Variants in PCNX1 observed in about 807,000 individuals in gnomAD.
The protein encoded by PCNX1 is pecanex-like protein 1.
PCNX1 carries 78 observed loss-of-function variants against 242.2 expected under a neutral mutation model. The ratio of observed to expected loss-of-function variants is 0.32; its 90% CI spans 0.27 to 0.39. The LOEUF (loss-of-function observed/expected upper bound fraction) is 0.39, where lower values mean the gene tolerates loss of function less well. Among genes scored for constraint, PCNX1 ranks in the 10% least tolerant of loss-of-function variants. The pLI, the probability that PCNX1 is intolerant of heterozygous loss-of-function variation, is 1.00. For missense variants in PCNX1, 2,581 were observed against 2,856.5 expected (o/e 0.90, Z 2.20); for synonymous variants, 1,024 against 1,032.9 (o/e 0.99, Z 0.17).
chr14:70,975,455 T>C (rs1236275038), intron 5 of PCNX1, among the ~76,000 whole-genome samples: 1 of 152,160 alleles, frequency 6.6e-6, no homozygotes, highest in Non-Finnish European at 1.5e-5. Context: ...TTTAATTAAT[T>C]AATCATAGCT....
chr14:71,057,763 C>G (rs2061221079), intron 26 of PCNX1, 39 bp downstream of exon 26: 2 of 1,297,360 alleles, frequency 1.5e-6, no homozygotes, highest in Non-Finnish European at 2.2e-6. Flanking sequence ...GTAGCATACT[C>G]CTGTGGCACC....
chr14:70,917,037 A>G (rs560663071), intron 1 of PCNX1, among the ~76,000 whole-genome samples: 64 of 152,298 alleles, frequency 4.2e-4, no homozygotes, highest in African/African-American at 1.4e-3. Flanking sequence ...CTGCTCACCC[A>G]TAAGAAGCAA....
chr14:70,964,672 T>C (rs2058324921), intron 3 of PCNX1, among the ~76,000 whole-genome samples: 1 of 152,194 alleles, frequency 6.6e-6, no homozygotes. Flanking sequence ...GGCCAGGCAC[T>C]TTTGGATCCT....
At chr14:70,938,109 G>A (rs1311934934) in intron 1 of PCNX1, among the ~76,000 whole-genome samples, 1 of 152,060 alleles carries the variant, frequency 6.6e-6, no homozygotes, top group African/African-American at 2.4e-5. Flanking sequence ...TTTCCTAATT[G>A]AATACCCTTT....
chr14:71,033,797 T>C (rs1308809325), intron 17 of PCNX1, 134 bp from the exon 18 acceptor site: 1 of 638,300 alleles, frequency 1.6e-6, no homozygotes, highest in Admixed American at 3.2e-5. Flanking sequence ...TCCTAAACAT[T>C]TTAGAATTTC....
At chr14:71,027,983 A>G (rs948922105) in intron 15 of PCNX1, among the ~76,000 whole-genome samples, 3 of 151,902 alleles carry the variant, frequency 2.0e-5, no homozygotes, top group African/African-American at 7.2e-5. Context: ...CTGATATCTC[A>G]TAAGGAATTA....
intron 1 of PCNX1, among the ~76,000 whole-genome samples, chr14:70,941,489 G>A (rs1397123820): frequency 1.3e-5 from 2 of 152,200 alleles, no homozygotes; most frequent in African/African-American, 2.4e-5. Flanking sequence ...CCTTCCTCTG[G>A]AAGCTTCGTC....
chr14:70,949,131 C>CAT (rs1261938802), intron 2 of PCNX1, among the ~76,000 whole-genome samples: 1 of 114,456 alleles, frequency 8.7e-6, no homozygotes, highest in Non-Finnish European at 2.1e-5. Flanking sequence ...TATATATGTA[C>CAT]ATATACACAT....
chr14:70,994,427 A>ATATATATATATATATATATATATG (rs930212552), intron 7 of PCNX1, among the ~76,000 whole-genome samples: 38 of 88,606 alleles, frequency 4.3e-4, no homozygotes, highest in African/African-American at 6.7e-4. Context: ...ATATATATAT[A>ATATATATATATATATATATATATG]TATGTATGTA....
At chr14:71,025,608 A>T (rs191881744) in intron 13 of PCNX1, among the ~76,000 whole-genome samples, 10 of 152,206 alleles carry the variant, frequency 6.6e-5, no homozygotes, top group Non-Finnish European at 1.0e-4. Flanking sequence ...ATATCTATTT[A>T]TATGCATATT....
At chr14:71,042,572 T>C (rs576327928) in intron 19 of PCNX1, among the ~76,000 whole-genome samples, 1 of 152,190 alleles carries the variant, frequency 6.6e-6, no homozygotes, top group African/African-American at 2.4e-5. Context: ...CAGGTGAAGT[T>C]AGTTTCCTGT....
At chr14:71,034,115 A>C in intron 18 of PCNX1, 79 bp downstream of exon 18, 7 of 749,022 alleles carry the variant, frequency 9.3e-6, no homozygotes, top group Non-Finnish European at 1.6e-5. Flanking sequence ...ACACTTTTTG[A>C]AAGTCATTAG....
intron 28 of PCNX1, among the ~76,000 whole-genome samples, chr14:71,081,945 T>C (rs1352517523): frequency 6.6e-6 from 1 of 152,238 alleles, no homozygotes; most frequent in African/African-American, 2.4e-5. Context: ...TTAATTGCGA[T>C]GTTAGGGTGT....
chr14:71,093,142 A>G (rs1362554050), intron 30 of PCNX1: 1 of 152,170 alleles, frequency 6.6e-6, no homozygotes, highest in Non-Finnish European at 1.5e-5. Flanking sequence ...CTGATAGAAC[A>G]TCATGAAAGT....
At chr14:70,939,508 A>C (rs1006995611) in intron 1 of PCNX1, among the ~76,000 whole-genome samples, 2 of 152,128 alleles carry the variant, frequency 1.3e-5, no homozygotes, top group Non-Finnish European at 2.9e-5. Context: ...AGTTTGTTAT[A>C]ACTTCTGTTG....
chr14:71,003,102 A>ATTTTTTTTTTTTTTTTTT (rs2059556546), intron 8 of PCNX1, among the ~76,000 whole-genome samples: 20 of 25,740 alleles, frequency 7.8e-4, no homozygotes, highest in African/African-American at 6.2e-3. Context: ...TTTTTTTTTG[A>ATTTTTTTTTTTTTTTTTT]GACAGAGTCT....
At chr14:71,023,579 T>C (rs1301275680) in intron 13 of PCNX1, among the ~76,000 whole-genome samples, 1 of 152,084 alleles carries the variant, frequency 6.6e-6, no homozygotes, top group East Asian at 1.9e-4. Context: ...GTATTGAAAA[T>C]AGAATTTTGA....
rs765646316 is a variant in PCNX1 at position 71,013,010 on chromosome 14, A to G, written c.2804A>G (p.Asn935Ser). The change falls in exon 11 of 36, where the codon AAT becomes AGT. Residue 935 changes from asparagine (N) to serine (S), a missense_variant. Coordinates refer to ENST00000304743, the MANE Select transcript of PCNX1 (RefSeq NM_014982.3). ...CTCTCTCTCCCACAGATTCGATTGA[A>G]TAGACTATTGACCATTGATACAGAT... ...DVLSLPQIRL[N>S]RLLTIDTDLL... The G allele has an allele frequency of 1.9e-6, 3 of 1,613,918 alleles. No homozygotes were observed. The highest frequency in any genetic ancestry group is 2.5e-6 in the Non-Finnish European group (3 of 1,179,800).
chr14:70,992,317 T>A (rs1308231211), intron 7 of PCNX1, among the ~76,000 whole-genome samples: 1 of 152,158 alleles, frequency 6.6e-6, no homozygotes, highest in African/African-American at 2.4e-5. Context: ...TTTTTTAAAA[T>A]ACAAGATTAA....
Sources: gnomAD v4.1 joint callset for allele counts (sites outside exome capture counted in the v4.1 genomes callset) on GRCh38, gnomAD v4.1.1 for gene constraint, MANE v1.5 for transcripts, NCBI Gene and HGNC (gene_info 2026-07-23, HGNC 2026-07-21) for gene names.